Variants in PSMA1 observed in about 807,000 individuals in gnomAD.
The protein encoded by PSMA1 is proteasome 20S subunit alpha 1.
PSMA1 carries 3 observed loss-of-function variants against 38.4 expected under a neutral mutation model. The observed-to-expected ratio is 0.08, with a 90% CI of 0.04 to 0.20. The LOEUF (loss-of-function observed/expected upper bound fraction) is 0.20. PSMA1 is among the 10% of genes least tolerant of loss of function. The pLI, the probability that PSMA1 is intolerant of heterozygous loss-of-function variation, is 1.00. For missense variants in PSMA1, 227 were observed against 325.3 expected (o/e 0.70, Z 2.32); for synonymous variants, 101 against 107.1 (o/e 0.94, Z 0.35).
At chr11:14,544,329 C>T (rs992054545) in intron 2 of PSMA1, among the ~76,000 whole-genome samples, 1 of 152,044 alleles carries the variant, frequency 6.6e-6, no homozygotes, top group Non-Finnish European at 1.5e-5. Context: ...CTACCGTGCC[C>T]GGCCGGTAAA....
At chr11:14,505,271 A>G (rs753332585) in intron 9 of PSMA1, 23 bp from the exon 10 acceptor site, 1 of 1,591,536 alleles carries the variant, frequency 6.3e-7, no homozygotes, top group Non-Finnish European at 8.6e-7. Context: ...AGAAAAAAAG[A>G]AAATATGTAA....
At chr11:14,611,265 A>C (rs888187658) in intron 1 of PSMA1, 2 of 428,634 alleles carry the variant, frequency 4.7e-6, no homozygotes, top group African/African-American at 4.1e-5. Flanking sequence ...GGGGGTAAGT[A>C]GATACAGGCC....
chr11:14,541,919 C>CT (rs1851777349), intron 2 of PSMA1, among the ~76,000 whole-genome samples: 1 of 152,122 alleles, frequency 6.6e-6, no homozygotes. Flanking sequence ...TATATTGCCG[C>CT]TTTTTTATAA....
intron 2 of PSMA1, among the ~76,000 whole-genome samples, chr11:14,532,981 C>G (rs772233611): frequency 5.3e-5 from 8 of 152,148 alleles, no homozygotes; most frequent in Non-Finnish European, 7.4e-5. Context: ...GTGAAACTTA[C>G]TGTGTTTTTT....
intron 1 of PSMA1, among the ~76,000 whole-genome samples, chr11:14,614,609 G>C (rs1261928001): frequency 1.3e-5 from 2 of 152,036 alleles, no homozygotes; most frequent in Non-Finnish European, 2.9e-5. Flanking sequence ...CTAATTAATA[G>C]TACCACCATC....
At chr11:14,556,707 A>T (rs1248620526) in intron 2 of PSMA1, among the ~76,000 whole-genome samples, 1 of 152,108 alleles carries the variant, frequency 6.6e-6, no homozygotes, top group African/African-American at 2.4e-5. Context: ...TCTGTTATCC[A>T]TTTTGAGTTA....
chr11:14,510,816 C>T, intron 8 of PSMA1, 56 bp downstream of exon 8: 1 of 1,241,936 alleles, frequency 8.1e-7, no homozygotes, highest in Non-Finnish European at 1.1e-6. Flanking sequence ...TACATTTATG[C>T]AATAAAGGTT....
chr11:14,588,722 T>A (rs1416621274), intron 2 of PSMA1, among the ~76,000 whole-genome samples: 1 of 152,222 alleles, frequency 6.6e-6, no homozygotes, highest in African/African-American at 2.4e-5. Context: ...TTAATGTATT[T>A]AGAAAAAATA....
chr11:14,614,520 T>C (rs1026172724), intron 1 of PSMA1, among the ~76,000 whole-genome samples: 3 of 152,172 alleles, frequency 2.0e-5, no homozygotes, highest in Admixed American at 6.5e-5. Flanking sequence ...TAGTGATCCA[T>C]AGGCATAATA....
intron 7 of PSMA1, among the ~76,000 whole-genome samples, chr11:14,512,726 T>C (rs1851364960): frequency 6.6e-6 from 1 of 152,212 alleles, no homozygotes; most frequent in Non-Finnish European, 1.5e-5. Flanking sequence ...TCCACCTATG[T>C]ACTGTTATTT....
chr11:14,620,480 G>T (rs971387087), intron 1 of PSMA1, among the ~76,000 whole-genome samples: 5 of 152,260 alleles, frequency 3.3e-5, no homozygotes, highest in African/African-American at 1.2e-4. Flanking sequence ...GTTTATACTT[G>T]GGAATTATCC....
At chr11:14,574,662 G>A (rs536401732) in intron 2 of PSMA1, among the ~76,000 whole-genome samples, 3 of 152,054 alleles carry the variant, frequency 2.0e-5, no homozygotes, top group Non-Finnish European at 4.4e-5. Context: ...GTTTTATAAG[G>A]GGCTTTTCCT....
At chr11:14,545,727 A>G (rs113577687) in intron 2 of PSMA1, among the ~76,000 whole-genome samples, 2 of 152,218 alleles carry the variant, frequency 1.3e-5, no homozygotes, top group African/African-American at 4.8e-5. Flanking sequence ...TAATTAGTAT[A>G]TGTGATGTTT....
chr11:14,541,501 A>C (rs1007535441), intron 2 of PSMA1, among the ~76,000 whole-genome samples: 8 of 152,268 alleles, frequency 5.3e-5, no homozygotes, highest in Non-Finnish European at 8.8e-5. Flanking sequence ...AGTTGGCTCA[A>C]GAGAAGTTCA....
At chr11:14,576,384 GT>G (rs1180554347) in intron 2 of PSMA1, among the ~76,000 whole-genome samples, 2 of 152,126 alleles carry the variant, frequency 1.3e-5, no homozygotes, top group Non-Finnish European at 2.9e-5. Context: ...TATTGCCTAG[GT>G]TTTCTTCTAG....
intron 1 of PSMA1, among the ~76,000 whole-genome samples, chr11:14,622,478 T>C (rs1450849075): frequency 6.6e-6 from 1 of 152,232 alleles, no homozygotes; most frequent in African/African-American, 2.4e-5. Flanking sequence ...GCTAAAGGCC[T>C]TGGTAAGACA....
intron 2 of PSMA1, among the ~76,000 whole-genome samples, chr11:14,606,900 G>A (rs1229483135): frequency 4.6e-5 from 7 of 152,216 alleles, no homozygotes; most frequent in Non-Finnish European, 1.0e-4. Flanking sequence ...GCTTAGATGT[G>A]TGGGAATAAT....
At chr11:14,566,456 C>T (rs1302189325) in intron 2 of PSMA1, among the ~76,000 whole-genome samples, 1 of 152,110 alleles carries the variant, frequency 6.6e-6, no homozygotes, top group Non-Finnish European at 1.5e-5. Context: ...TGATGTAAAT[C>T]CTTCAACATA....
At chr11:14,577,093 G>T (rs753596371) in intron 2 of PSMA1, among the ~76,000 whole-genome samples, 3 of 152,154 alleles carry the variant, frequency 2.0e-5, no homozygotes, top group Admixed American at 1.3e-4. Flanking sequence ...TCTGTTATTG[G>T]TGTATAAGAA....
Sources: gnomAD v4.1 joint callset for allele counts (sites outside exome capture counted in the v4.1 genomes callset) on GRCh38, gnomAD v4.1.1 for gene constraint, MANE v1.5 for transcripts, NCBI Gene and HGNC (gene_info 2026-07-23, HGNC 2026-07-21) for gene names.